The following MAGEA4 variants were observed in gnomAD, a reference collection of about 807,000 sequenced individuals.
MAGEA4 encodes the protein MAGE family member A4, also known as melanoma-associated antigen 4.
MAGEA4 carries 1 observed loss-of-function variant against 13.7 expected under a neutral mutation model. The ratio of observed to expected loss-of-function variants is 0.07; its 90% confidence interval spans 0.03 to 0.35. The LOEUF is 0.35. MAGEA4 is among the 10% of genes least tolerant of loss of function. The pLI is 0.99. For synonymous variants in MAGEA4, 132 were observed against 101.1 expected, an observed-to-expected ratio of 1.31 and a Z score of -1.83; for missense variants, 312 against 245.1, an observed-to-expected ratio of 1.27 and a Z score of -1.82.
intron 1 of MAGEA4, 38 bp from the exon 2 acceptor site, chrX:151,923,415 G>T (rs543332211): frequency 1.8e-6 from 2 of 1,119,527 alleles, no homozygotes; most frequent in Admixed American, 4.5e-5. Flanking sequence ...TCTGCTGGCC[G>T]GCTATACCCT....
intron 1 of MAGEA4, among the ~76,000 whole-genome samples, chrX:151,921,792 C>G (rs1170087209): frequency 1.8e-5 from 2 of 111,076 alleles, no homozygotes; most frequent in Non-Finnish European, 3.8e-5. Context: ...AGGGAGGACC[C>G]TGGCCCTCCT....
chrX:151,919,686 G>A, intron 1 of MAGEA4: 2 of 754,095 alleles, frequency 2.7e-6, no homozygotes, highest in Non-Finnish European at 3.1e-6. Context: ...CTTGGGACTG[G>A]TGGAGGGAAG....
At chrX:151,912,991 C>T (rs1932969588) in intron 1 of MAGEA4, 22 bp downstream of exon 1, 1 of 107,893 alleles carries the variant, frequency 9.3e-6, no homozygotes, top group African/African-American at 3.5e-5. Flanking sequence ...AGGGAGGACT[C>T]AGGAGGACCC....
At chrX:151,922,984 T>A (rs1404586187) in intron 1 of MAGEA4, among the ~76,000 whole-genome samples, 1 of 112,429 alleles carries the variant, frequency 8.9e-6, no homozygotes. Flanking sequence ...TTAGGTCCTG[T>A]TCCCTCTCAG....
Position 151,924,640 on chromosome X carries a change from G to A in MAGEA4, c.*22G>A. 1 of 1,169,761 alleles carries A rather than the reference G, an allele frequency of 8.5e-7. No homozygotes were observed. Among genetic ancestry groups the A allele is most frequent in the Non-Finnish European group, 1.1e-6 (1 of 873,417 alleles). On this transcript the variant is annotated 3_prime_UTR_variant, in exon 3 of 3. Coordinates refer to ENST00000276344, the MANE Select transcript of MAGEA4 (RefSeq NM_001011548.1). ...CTGAGCATGAGTTGCAGCCAGGGCT[G>A]TGGGGAAGGGGCAGGGCTGGGCCAG...
Position 151,919,472 on chromosome X carries a change from A to G in MAGEA4, c.-137-3981A>G, listed in dbSNP as rs371781298. 3.6e-4 allele frequency among the ~76,000 whole-genome samples: 16 copies of G among 44,156 alleles called. No individual in the cohort carries two copies. The East Asian group carries it at 0.011, about 30-fold the overall frequency. The allele number at this position is 44,156 out of a possible 115,157, so 38.3% of individuals were successfully genotyped here. On this transcript the variant is annotated intron_variant, in intron 1 of 2. Transcript: ENST00000276344. ...AACCTCACCTCTCCCACCCCCATCC[A>G]CACTGAATCAGGTTCTGCTTCCGCT...
In MAGEA4 at chrX:151,924,115, A is replaced by T; in HGVS notation, c.451A>T (p.Ile151Phe). The stretch of plus-strand genomic sequence containing the variant: ...AAATTACAAGCGCTGCTTTCCTGTG[A>T]TCTTCGGCAAAGCCTCCGAGTCCCT... ...IKNYKRCFPV[I>F]FGKASESLKM... Residue 151 changes from isoleucine (I) to phenylalanine (F), a missense_variant, in exon 3 of 3, where the codon ATC (isoleucine) becomes TTC (phenylalanine). Ile to Phe is a conservative substitution (Grantham distance 21). Coordinates refer to ENST00000276344, the MANE Select transcript of MAGEA4 (RefSeq NM_001011548.1). 1 of 1,212,003 alleles carries T rather than the reference A, an allele frequency of 8.3e-7. No individual in the cohort carries two copies. Among genetic ancestry groups the T allele is most frequent in the Middle Eastern group, 2.3e-4 (1 of 4,355 alleles).
In MAGEA4 at chrX:151,924,718, C is replaced by A; in HGVS notation, c.*100C>A. 1.2e-6 allele frequency: 1 copy of A among 861,057 alleles called. No homozygotes were observed. The highest frequency in any genetic ancestry group is 1.6e-6 in the Non-Finnish European group (1 of 628,967). The allele number at this position is 861,057 out of a possible 1,213,427, so 71.0% of individuals were successfully genotyped here. On this transcript the variant is annotated 3_prime_UTR_variant, in exon 3 of 3. Transcript: ENST00000276344. ...TCCCTTGCCTCGTGTAACATGAGGCCCATTCTTCACTCTGTTTGAAGAAAA... is the reference window on the plus strand; with the variant it reads ...TCCCTTGCCTCGTGTAACATGAGGCACATTCTTCACTCTGTTTGAAGAAAA...
At chrX:151,918,070 G>A (rs1447541670) in intron 1 of MAGEA4, among the ~76,000 whole-genome samples, 4 of 46,385 alleles carry the variant, frequency 8.6e-5, no homozygotes, top group African/African-American at 3.6e-4. Flanking sequence ...CCCAAAAACC[G>A]GGGCCCCTCC....
chrX:151,923,731 C>T lies in MAGEA4; in HGVS notation c.67C>T (p.Leu23=). 3 of 1,211,044 alleles carry T rather than the reference C, an allele frequency of 2.5e-6. No homozygotes were observed. Among genetic ancestry groups the T allele is most frequent in the Non-Finnish European group, 3.4e-6 (3 of 895,323 alleles). ...AGGCGTTGAGGCCCAAGAAGAGGCCCTGGGCCTGGTGGGTGCACAGGCTCC... is the reference window on the plus strand; with the variant it reads ...AGGCGTTGAGGCCCAAGAAGAGGCCTTGGGCCTGGTGGGTGCACAGGCTCC... ...EEGVEAQEEA[L]GLVGAQAPTT... is the part of the protein sequence containing the mutation. Residue 23 remains leucine (L), a synonymous_variant, in exon 3 of 3, where the codon CTG becomes TTG. Transcript: ENST00000276344.
At chrX:151,921,538 C>T (rs1933439884) in intron 1 of MAGEA4, among the ~76,000 whole-genome samples, 1 of 112,215 alleles carries the variant, frequency 8.9e-6, no homozygotes, top group South Asian at 3.7e-4. Flanking sequence ...AAGGCAGGGC[C>T]CAGGCTCTGC....
chrX:151,921,749 T>A (rs1325518073), intron 1 of MAGEA4, among the ~76,000 whole-genome samples: 1 of 109,982 alleles, frequency 9.1e-6, no homozygotes, highest in Admixed American at 9.5e-5. Context: ...AGGGAGAGGG[T>A]TTGGTATCAT....
chrX:151,919,120 C>T (rs941600258), intron 1 of MAGEA4: 33 of 714,642 alleles, frequency 4.6e-5, no homozygotes, highest in Non-Finnish European at 5.3e-5. Flanking sequence ...TGCTACCAGC[C>T]GTGGGCCACC....
chrX:151,913,342 A>C (rs1603062928), intron 1 of MAGEA4: 4 of 132,659 alleles, frequency 3.0e-5, no homozygotes, highest in Admixed American at 2.1e-4. Context: ...CCTCCCAAAC[A>C]CCCCACCACC....
chrX:151,920,327 C>T (rs1233011897), intron 1 of MAGEA4, among the ~76,000 whole-genome samples: 2 of 109,731 alleles, frequency 1.8e-5, no homozygotes, highest in Non-Finnish European at 3.8e-5. Context: ...CTCTCCACCC[C>T]AGATAGACGA....
At chrX:151,921,410 C>T (rs960946985) in intron 1 of MAGEA4, among the ~76,000 whole-genome samples, 6 of 112,335 alleles carry the variant, frequency 5.3e-5, no homozygotes, top group East Asian at 2.8e-4. Context: ...AATAATCCAG[C>T]GCAGCTCCTG....
At chrX:151,919,398 A>T (rs1399876184) in intron 1 of MAGEA4, among the ~76,000 whole-genome samples, 60 of 78,388 alleles carry the variant, frequency 7.7e-4, no homozygotes, top group Non-Finnish European at 1.3e-3. Flanking sequence ...TCAACCCCGC[A>T]CCTCTCTCAC....
intron 1 of MAGEA4, among the ~76,000 whole-genome samples, chrX:151,920,003 C>T (rs1172577363): frequency 2.3e-5 from 2 of 85,453 alleles, no homozygotes; most frequent in African/African-American, 8.7e-5. Flanking sequence ...CCTTCCCATT[C>T]CCATCCACAC....
chrX:151,922,298 A>C (rs1251337802), intron 1 of MAGEA4, among the ~76,000 whole-genome samples: 1 of 111,346 alleles, frequency 9.0e-6, no homozygotes, highest in Non-Finnish European at 1.9e-5. Context: ...CACTTGTTCC[A>C]CAGGCAGGAA....
Sources: gnomAD v4.1 joint callset for allele counts (sites outside exome capture counted in the v4.1 genomes callset) on GRCh38, gnomAD v4.1.1 for gene constraint, MANE v1.5 for transcripts, NCBI Gene and HGNC (gene_info 2026-07-23, HGNC 2026-07-21) for gene names.